PHACTR2: variants seen among roughly 807,000 people sequenced by gnomAD.
The protein encoded by PHACTR2 is chromosome 6 open reading frame 56.
A neutral mutation model predicts 76.0 loss-of-function variants in PHACTR2; 30 were observed. The observed-to-expected ratio is 0.39, with a 90% CI of 0.30 to 0.54. PHACTR2 has a LOEUF of 0.54. Among genes scored for constraint, PHACTR2 ranks in the 20% least tolerant of loss-of-function variants. PHACTR2 has a pLI of 0.61. For missense variants in PHACTR2, 696 were observed against 781.1 expected (o/e 0.89, Z 1.30); for synonymous variants, 292 against 292.5 (o/e 1.00, Z 0.02).
intron 1 of PHACTR2, among the ~76,000 whole-genome samples, chr6:143,667,167 T>G (rs984244716): frequency 6.6e-6 from 1 of 152,226 alleles, no homozygotes; most frequent in Non-Finnish European, 1.5e-5. Flanking sequence ...TTGTAAGATA[T>G]GTCAGAGATC....
rs924030797 is a variant in PHACTR2, at chr6:143,664,692, G to A, written c.14-47324G>A. 6.6e-5 allele frequency among the ~76,000 whole-genome samples: 10 copies of A among 152,252 alleles called. No individual in the cohort carries two copies. The highest frequency in any genetic ancestry group is 3.9e-4 in the East Asian group (2 of 5,184). On this transcript the variant is annotated intron_variant, in intron 1 of 11. Transcript: ENST00000305766. This position sits in a 1 kb window ranked among gnomAD's most constrained non-coding sequence, Gnocchi z 5.1. Reference sequence around the variant, plus strand: ...TCACTACTTCCTCATTTGCAGAGCCGATAGTTTATTAAATTCACCATCATG... The same window carrying A: ...TCACTACTTCCTCATTTGCAGAGCCAATAGTTTATTAAATTCACCATCATG...
Position 143,617,654 on chromosome 6 carries a change from GC to G in PHACTR2, c.13+9334del, listed in dbSNP as rs1776078362. On this transcript the variant is annotated intron_variant, in intron 1 of 11. Coordinates refer to the PHACTR2 transcript ENST00000305766. This position sits in a 1 kb window ranked among gnomAD's most constrained non-coding sequence, Gnocchi z 4.8. ...CTCCTTCCTCCCTCCAGTCTAGCAG[GC>G]CAGTCTAGCTGAGATTTTGTGCTTG... Among the ~76,000 whole-genome samples the G allele has an allele frequency of 6.6e-6, 1 of 152,020 alleles. No individual in the cohort carries two copies. Among genetic ancestry groups the G allele is most frequent in the African/African-American group, 2.4e-5 (1 of 41,380 alleles).
At chr6:143,808,334 G>A (rs1029407416) in intron 12 of PHACTR2, among the ~76,000 whole-genome samples, 4 of 151,798 alleles carry the variant, frequency 2.6e-5, no homozygotes, top group African/African-American at 9.7e-5. Flanking sequence ...TCACCATGTT[G>A]GTCCAGCTGG....
At position 143,580,667 on chromosome 6, in the gene PHACTR2, C is replaced by A. The variant is rs1380031789; in HGVS notation, c.217+43460C>A. On this transcript the variant is annotated intron_variant, in intron 1 of 11. Transcript: ENST00000367584. The surrounding 1 kb of genome is among the most constrained non-coding windows in gnomAD (Gnocchi z 4.2). ...CAGCCTGGGTGACAGAGCAAGACTC[C>A]GTCTCAAAAAATAAAATAAAATAAA... Among the ~76,000 whole-genome samples the A allele has an allele frequency of 6.6e-6, 1 of 151,866 alleles. No individual in the cohort carries two copies. Among genetic ancestry groups the A allele is most frequent in the Admixed American group, 6.6e-5 (1 of 15,240 alleles).
rs944586268 is a variant in PHACTR2, at chr6:143,647,234, A to G, written c.13+38912A>G. Among the ~76,000 whole-genome samples, 1 of 152,206 alleles carries G rather than the reference A, an allele frequency of 6.6e-6. No homozygotes were observed. Among genetic ancestry groups the G allele is most frequent in the Non-Finnish European group, 1.5e-5 (1 of 68,030 alleles). On this transcript the variant is annotated intron_variant, in intron 1 of 11. Coordinates refer to the PHACTR2 transcript ENST00000305766. The surrounding 1 kb of genome is among the most constrained non-coding windows in gnomAD (Gnocchi z 4.2). ...TGCATCCCTTTCTGTGATGTAGATA[A>G]TATTAGTCCTATTTTGCAGATGAGG... is the stretch of plus-strand genomic sequence containing the variant.
intron 1 of PHACTR2, among the ~76,000 whole-genome samples, chr6:143,635,049 C>T (rs1255757028): frequency 2.6e-5 from 4 of 152,006 alleles, no homozygotes; most frequent in African/African-American, 9.7e-5. Context: ...TAAGATGGTG[C>T]ACAAATATAT....
chr6:143,799,714 C>A (rs1775911103), intron 11 of PHACTR2, among the ~76,000 whole-genome samples: 1 of 152,170 alleles, frequency 6.6e-6, no homozygotes, highest in Non-Finnish European at 1.5e-5. Flanking sequence ...GATTCTTAAT[C>A]CTGAGTTCTA....
At chr6:143,645,211 A>G (rs1487645327) in intron 1 of PHACTR2, among the ~76,000 whole-genome samples, 1 of 152,156 alleles carries the variant, frequency 6.6e-6, no homozygotes, top group Non-Finnish European at 1.5e-5. Context: ...GTTTATAACA[A>G]CACAATTCAC....
chr6:143,670,941 T>C (rs79967164), intron 1 of PHACTR2, among the ~76,000 whole-genome samples: 1 of 146,194 alleles, frequency 6.8e-6, no homozygotes, highest in East Asian at 2.0e-4. Context: ...TTTTTTTTTT[T>C]GAAATGGAGT....
rs1418553242 is a variant in PHACTR2, at chr6:143,795,438, A to G, written c.1845+6528A>G. Among the ~76,000 whole-genome samples the G allele has an allele frequency of 2.0e-5, 3 of 152,152 alleles. No individual in the cohort carries two copies. Among genetic ancestry groups the G allele is most frequent in the Non-Finnish European group, 2.9e-5 (2 of 68,030 alleles). ...CTAAAACAAAAATAAACAAAATAAA[A>G]TTTTCAGTTTTAGAATATATGTACT... is the stretch of plus-strand genomic sequence containing the variant. On this transcript the variant is annotated intron_variant, in intron 11 of 12. Transcript: ENST00000440869. This position sits in a 1 kb window ranked among gnomAD's most constrained non-coding sequence, Gnocchi z 4.8.
chr6:143,788,848 G>A lies in PHACTR2; in HGVS notation c.1783G>A (p.Asp595Asn), dbSNP rs1226329722. Residue 595 changes from aspartate to asparagine, a missense_variant, in exon 11 of 13, where the codon GAT becomes AAT. By Grantham distance (23) the Asp-to-Asn change is conservative. Around this residue, in one of 2 missense-constraint regions of PHACTR2, gnomAD observed 236 missense variants for 330.2 expected, o/e 0.71. Transcript: ENST00000440869. ...ATTTAACGAGTATGTAGAAGTCACG[G>A]ATTCTCCTGACTATGACCGCCGAGC... ...LRFNEYVEVT[D>N]SPDYDRRADK... The A allele has an allele frequency of 1.2e-6, 2 of 1,613,674 alleles. No homozygotes were observed. Among genetic ancestry groups the A allele is most frequent in the Non-Finnish European group, 8.5e-7 (1 of 1,179,594 alleles).
intron 1 of PHACTR2, among the ~76,000 whole-genome samples, chr6:143,626,401 G>A (rs1296923211): frequency 1.3e-5 from 2 of 151,998 alleles, no homozygotes; most frequent in Non-Finnish European, 2.9e-5. Flanking sequence ...GCCGGGCGCG[G>A]TGGTGGGCGC....
chr6:143,702,291 T>C (rs1299180705), intron 1 of PHACTR2, among the ~76,000 whole-genome samples: 1 of 152,082 alleles, frequency 6.6e-6, no homozygotes, highest in Non-Finnish European at 1.5e-5. Context: ...GTATTTTTAG[T>C]AGAGATGAGG....
chr6:143,640,648 T>C (rs1776548220), intron 1 of PHACTR2, among the ~76,000 whole-genome samples: 1 of 152,222 alleles, frequency 6.6e-6, no homozygotes, highest in Non-Finnish European at 1.5e-5. Context: ...AATTTAGTGC[T>C]ATTAATACAT....
chr6:143,578,810 CGAT>C lies in PHACTR2; in HGVS notation c.217+41606_217+41608del, dbSNP rs1256483704. Among the ~76,000 whole-genome samples, 3 of 152,078 alleles carry C rather than the reference CGAT, an allele frequency of 2.0e-5. No individual in the cohort carries two copies. Among genetic ancestry groups the C allele is most frequent in the African/African-American group, 7.2e-5 (3 of 41,422 alleles). On this transcript the variant is annotated intron_variant, in intron 1 of 11. Coordinates refer to the PHACTR2 transcript ENST00000367584. The surrounding 1 kb of genome is among the most constrained non-coding windows in gnomAD (Gnocchi z 4.5). ...AGCAGCTCAAAGATGAGGGAGAAGA[CGAT>C]GACCAAGTGGAATAACGTATTTTCA...
intron 1 of PHACTR2, among the ~76,000 whole-genome samples, chr6:143,634,875 G>A (rs1045394917): frequency 2.0e-5 from 3 of 151,988 alleles, no homozygotes; most frequent in African/African-American, 4.8e-5. Flanking sequence ...TTAGTGGGGC[G>A]TCACAAATTT....
chr6:143,680,461 T>G lies in PHACTR2; in HGVS notation c.46+2252T>G, dbSNP rs1777365323. On this transcript the variant is annotated intron_variant, in intron 1 of 12. Transcript: ENST00000440869. The surrounding 1 kb of genome is among the most constrained non-coding windows in gnomAD (Gnocchi z 4.5). The stretch of plus-strand genomic sequence containing the variant: ...TAGCACAGAGTTTAATTATTCATAC[T>G]TATCGCTCAATTTGGCCTTTTGTAA... Among the ~76,000 whole-genome samples, 1 of 152,174 alleles carries G rather than the reference T, an allele frequency of 6.6e-6. No individual in the cohort carries two copies. Among genetic ancestry groups the G allele is most frequent in the African/African-American group, 2.4e-5 (1 of 41,446 alleles).
At chr6:143,632,715 T>C (rs1776384103) in intron 1 of PHACTR2, among the ~76,000 whole-genome samples, 1 of 152,246 alleles carries the variant, frequency 6.6e-6, no homozygotes, top group Non-Finnish European at 1.5e-5. Flanking sequence ...AGTAGTTATA[T>C]ACAGTAGTTT....
At chr6:143,594,998 G>T (rs1775732696) in intron 1 of PHACTR2, among the ~76,000 whole-genome samples, 1 of 152,186 alleles carries the variant, frequency 6.6e-6, no homozygotes, top group Non-Finnish European at 1.5e-5. Context: ...CTGAAATGAA[G>T]ACTGTTACAT....
Sources: allele counts gnomAD v4.1 joint callset (sites outside exome capture counted in the v4.1 genomes callset), GRCh38; gene constraint gnomAD v4.1.1; regional missense constraint gnomAD v4.1.1; non-coding constraint Gnocchi (gnomAD v3.1); transcripts MANE v1.5; gene names NCBI Gene and HGNC (gene_info 2026-07-23, HGNC 2026-07-21).